Variants in VPS13D observed in about 807,000 individuals in gnomAD.
VPS13D encodes intermembrane lipid transfer protein VPS13D.
A neutral mutation model predicts 461.9 loss-of-function variants in VPS13D; 187 were observed. That is an observed-to-expected ratio of 0.40 (90% CI 0.36 to 0.46). VPS13D has a LOEUF of 0.46. Among genes scored for constraint, VPS13D ranks in the 20% least tolerant of loss-of-function variants. VPS13D has a pLI of 0.60. For synonymous variants in VPS13D, 1,951 were observed against 1,986.3 expected, an observed-to-expected ratio of 0.98 and a Z score of 0.47; for missense variants, 4,711 against 5,364.9, an observed-to-expected ratio of 0.88 and a Z score of 3.81.
intron 52 of VPS13D, among the ~76,000 whole-genome samples, chr1:12,365,038 T>G (rs1197138491): frequency 6.6e-6 from 1 of 152,218 alleles, no homozygotes; most frequent in Non-Finnish European, 1.5e-5. Flanking sequence ...CATTAAATGA[T>G]CTTGGTACTG....
intron 59 of VPS13D, among the ~76,000 whole-genome samples, chr1:12,385,618 G>A (rs1644340860): frequency 6.6e-6 from 1 of 152,166 alleles, no homozygotes; most frequent in Non-Finnish European, 1.5e-5. Context: ...AAGCTAAATT[G>A]TTTGAATTTC....
intron 62 of VPS13D, chr1:12,402,553 TTC>T (rs1644595076): frequency 6.6e-6 from 1 of 152,234 alleles, no homozygotes; most frequent in Non-Finnish European, 1.5e-5. Flanking sequence ...AATATTTTTG[TTC>T]TTTTTATCCC....
intron 1 of VPS13D, among the ~76,000 whole-genome samples, 170 bp downstream of exon 1, chr1:12,230,290 C>T (rs1427496763): frequency 6.6e-6 from 1 of 152,116 alleles, no homozygotes; most frequent in African/African-American, 2.4e-5. Context: ...TCGGTCTGAG[C>T]CCCTCGGGGT....
intron 66 of VPS13D, 25 bp downstream of exon 66, chr1:12,456,155 C>A: frequency 6.3e-7 from 1 of 1,579,560 alleles, no homozygotes; most frequent in South Asian, 1.2e-5. Context: ...ACATCAGGCT[C>A]TGCTGCTGCT....
At chr1:12,250,151 C>T (rs1289554184) in intron 6 of VPS13D, among the ~76,000 whole-genome samples, 1 of 152,186 alleles carries the variant, frequency 6.6e-6, no homozygotes, top group Non-Finnish European at 1.5e-5. Context: ...ATAAAGAGGG[C>T]CACACCCCCC....
chr1:12,335,234 G>A (rs921598062), intron 38 of VPS13D, among the ~76,000 whole-genome samples: 2 of 152,076 alleles, frequency 1.3e-5, no homozygotes, highest in African/African-American at 2.4e-5. Flanking sequence ...GCCTACATAA[G>A]TTTTGTATTT....
At chr1:12,377,838 AAAAG>A (rs1410753475) in intron 55 of VPS13D, among the ~76,000 whole-genome samples, 43 of 151,906 alleles carry the variant, frequency 2.8e-4, no homozygotes, top group Non-Finnish European at 5.7e-4. Flanking sequence ...AAAAAAAAAA[AAAAG>A]AATTACTAGC....
At chr1:12,396,019 A>ATATATG (rs1414186707) in intron 60 of VPS13D, among the ~76,000 whole-genome samples, 2 of 137,086 alleles carry the variant, frequency 1.5e-5, no homozygotes, top group Admixed American at 7.4e-5. Flanking sequence ...ATATATATAT[A>ATATATG]TATATATATA....
At chr1:12,280,437 A>G (rs1409086794) in intron 20 of VPS13D, among the ~76,000 whole-genome samples, 5 of 152,160 alleles carry the variant, frequency 3.3e-5, no homozygotes, top group Admixed American at 2.6e-4. Context: ...GGTAGCTACC[A>G]GGACAAATTT....
chr1:12,340,165 T>A (rs1445344108), intron 40 of VPS13D, among the ~76,000 whole-genome samples: 1 of 152,178 alleles, frequency 6.6e-6, no homozygotes, highest in East Asian at 1.9e-4. Context: ...ACTCCTTAAT[T>A]TTCTACTTGA....
At chr1:12,237,314 A>C (rs1306442577) in intron 2 of VPS13D, among the ~76,000 whole-genome samples, 1 of 147,072 alleles carries the variant, frequency 6.8e-6, no homozygotes, top group African/African-American at 2.6e-5. Context: ...ATATGGTGAG[A>C]TCCCTTTTCT....
At chr1:12,323,907 C>T (rs1296014052) in intron 35 of VPS13D, 127 bp downstream of exon 35, 63 of 896,104 alleles carry the variant, frequency 7.0e-5, no homozygotes, top group Non-Finnish European at 1.1e-4. Context: ...TATGTGTCTT[C>T]TCTGGACTGC....
chr1:12,255,888 CA>C (rs35699803), intron 7 of VPS13D, among the ~76,000 whole-genome samples: 225 of 56,374 alleles, frequency 4.0e-3, no homozygotes, highest in Middle Eastern at 0.011. Flanking sequence ...AGACTCGTCT[CA>C]AAAAAAAAAA....
At chr1:12,244,507 T>C (rs750904559) in intron 4 of VPS13D, 30 bp from the exon 5 acceptor site, 9 of 1,613,882 alleles carry the variant, frequency 5.6e-6, no homozygotes, top group South Asian at 1.1e-5. Context: ...GAACACTAGA[T>C]TGAGCTAATG....
intron 67 of VPS13D, chr1:12,465,098 G>T (rs1234832116): frequency 6.6e-6 from 1 of 152,222 alleles, no homozygotes; most frequent in African/African-American, 2.4e-5. Flanking sequence ...AAGATACTTA[G>T]TAGAAAGTTG....
At chr1:12,248,489 C>T (rs943343845) in intron 5 of VPS13D, among the ~76,000 whole-genome samples, 3 of 152,154 alleles carry the variant, frequency 2.0e-5, no homozygotes, top group African/African-American at 4.8e-5. Flanking sequence ...ACTGCAGGCT[C>T]GTGCCACCAT....
intron 67 of VPS13D, chr1:12,464,850 G>A (rs1451266506): frequency 6.6e-6 from 1 of 152,206 alleles, no homozygotes; most frequent in Admixed American, 6.5e-5. Context: ...CTTTTCCAAG[G>A]CAACGTTCTG....
chr1:12,346,507 C>T, intron 43 of VPS13D, 98 bp from the exon 44 acceptor site: 2 of 1,256,500 alleles, frequency 1.6e-6, no homozygotes, highest in Non-Finnish European at 2.3e-6. Context: ...AAAGTATTTA[C>T]AAACACGACC....
At chr1:12,231,225 T>A (rs1273887650) in intron 1 of VPS13D, among the ~76,000 whole-genome samples, 4 of 152,328 alleles carry the variant, frequency 2.6e-5, no homozygotes, top group Non-Finnish European at 1.5e-5. Context: ...GCCAGGCAGC[T>A]GCCTAGAAGT....
Sources: allele counts gnomAD v4.1 joint callset (sites outside exome capture counted in the v4.1 genomes callset), GRCh38; gene constraint gnomAD v4.1.1; transcripts MANE v1.5; gene names NCBI Gene and HGNC (gene_info 2026-07-23, HGNC 2026-07-21).